Variants in SPRED2 observed in about 807,000 individuals in gnomAD.
SPRED2 encodes the protein sprouty related EVH1 domain containing 2, also known as sprouty-related, EVH1 domain-containing protein 2.
A neutral mutation model predicts 43.0 loss-of-function variants in SPRED2; 47 were observed. The ratio of observed to expected loss-of-function variants is 1.09; its 90% CI spans 0.87 to 1.40. SPRED2 has a LOEUF of 1.40. Among genes scored for constraint, SPRED2 ranks in the 40% most tolerant of loss-of-function variants. SPRED2 has a pLI of 0.00. For missense variants in SPRED2, 561 were observed against 586.4 expected (o/e 0.96, Z 0.45); for synonymous variants, 225 against 225.7 (o/e 1.00, Z 0.03).
chr2:65,354,812 C>T (rs752027496), intron 1 of SPRED2, among the ~76,000 whole-genome samples: 2 of 152,128 alleles, frequency 1.3e-5, no homozygotes, highest in East Asian at 1.9e-4. Context: ...ACATGGGCAA[C>T]GAAGTGTTCG....
chr2:65,410,228 C>T (rs1286877893), intron 1 of SPRED2, among the ~76,000 whole-genome samples: 1 of 151,918 alleles, frequency 6.6e-6, no homozygotes, highest in African/African-American at 2.4e-5. Context: ...TGCAGTGAGA[C>T]CTTGTCTCTT....
chr2:65,394,760 C>T (rs1039678293), intron 1 of SPRED2, among the ~76,000 whole-genome samples: 1 of 152,108 alleles, frequency 6.6e-6, no homozygotes, highest in Non-Finnish European at 1.5e-5. Context: ...AGTCCGCTTC[C>T]GATCACAGTG....
Position 65,408,098 on chromosome 2 carries a change from T to C in SPRED2, c.26+23864A>G, listed in dbSNP as rs140035305. ...TTGAGCTTCTCTCCTTGCCTGCTGG[T>C]TCCATCTTCTTAAGATCTTATCAGA... On this transcript the variant is annotated intron_variant, in intron 1 of 5. Transcript: ENST00000356388. Among the ~76,000 whole-genome samples the C allele has an allele frequency of 4.6e-3, 705 of 152,318 alleles. 6 individuals are homozygous for C. The highest frequency in any genetic ancestry group is 0.016 in the African/African-American group (656 of 41,570).
chr2:65,341,403 A>G (rs985923562), intron 2 of SPRED2, among the ~76,000 whole-genome samples: 1 of 152,152 alleles, frequency 6.6e-6, no homozygotes, highest in African/African-American at 2.4e-5. Flanking sequence ...GGATAGTGCA[A>G]TCTGTGTACA....
At chr2:65,394,671 T>C (rs2103697857) in intron 1 of SPRED2, among the ~76,000 whole-genome samples, 1 of 152,250 alleles carries the variant, frequency 6.6e-6, no homozygotes, top group Non-Finnish European at 1.5e-5. Flanking sequence ...CCAGGCCTCC[T>C]TGCTTTTCTG....
At chr2:65,387,131 T>C (rs1675520303) in intron 1 of SPRED2, among the ~76,000 whole-genome samples, 1 of 152,234 alleles carries the variant, frequency 6.6e-6, no homozygotes, top group Non-Finnish European at 1.5e-5. Context: ...TAAGGCACTG[T>C]CTAAATGCCT....
intron 1 of SPRED2, among the ~76,000 whole-genome samples, chr2:65,403,414 C>T (rs956444581): frequency 3.3e-5 from 5 of 152,170 alleles, no homozygotes; most frequent in African/African-American, 1.2e-4. Flanking sequence ...GCTGGGACTA[C>T]AGGCGTGTGC....
chr2:65,307,608 A>G (rs147063992), downstream of SPRED2, among the ~76,000 whole-genome samples: 179 of 151,618 alleles, frequency 1.2e-3, no homozygotes, highest in African/African-American at 4.2e-3. Context: ...TGATTATCAC[A>G]TAATAACTGT....
At chr2:65,360,349 C>A (rs1176191590) in intron 1 of SPRED2, among the ~76,000 whole-genome samples, 1 of 152,216 alleles carries the variant, frequency 6.6e-6, no homozygotes, top group East Asian at 1.9e-4. Flanking sequence ...GATATGCCAT[C>A]CCCTGAAAAC....
intron 1 of SPRED2, among the ~76,000 whole-genome samples, chr2:65,372,127 G>C (rs559113922): frequency 2.6e-5 from 4 of 152,164 alleles, no homozygotes; most frequent in Non-Finnish European, 2.9e-5. Context: ...TTCAGAGCTA[G>C]GACTGTGGTT....
chr2:65,368,119 G>T (rs753173657), intron 1 of SPRED2, among the ~76,000 whole-genome samples: 1 of 152,206 alleles, frequency 6.6e-6, no homozygotes, highest in Non-Finnish European at 1.5e-5. Flanking sequence ...CAGAGCTCCT[G>T]CATGGCCCCC....
At chr2:65,359,526 C>T (rs963672065) in intron 1 of SPRED2, among the ~76,000 whole-genome samples, 1 of 152,090 alleles carries the variant, frequency 6.6e-6, no homozygotes, top group Non-Finnish European at 1.5e-5. Flanking sequence ...TCACAGATAA[C>T]TGAAACCCTG....
chr2:65,428,827 C>T (rs985195230), intron 1 of SPRED2, among the ~76,000 whole-genome samples: 14 of 152,120 alleles, frequency 9.2e-5, no homozygotes, highest in African/African-American at 3.4e-4. Context: ...CCATTCATAG[C>T]CATGATCAAA....
chr2:65,311,578 G>A lies in SPRED2; in HGVS notation c.*1923C>T, dbSNP rs1673069199. 1.0e-6 allele frequency: 1 copy of A among 985,750 alleles called. No homozygotes were observed. The highest frequency in any genetic ancestry group is 1.2e-6 in the Non-Finnish European group (1 of 829,954). 61.1% of individuals were successfully genotyped at this position (985,750 alleles called of 1,614,324 possible). On this transcript the variant is annotated 3_prime_UTR_variant, in exon 6 of 6. Transcript: ENST00000356388. ...GGAAGTGCCTCCGGGTCGGGGGAAG[G>A]TGGTCTCTCGACAGCACTGGAGGCT...
chr2:65,313,740 C>A lies in SPRED2; in HGVS notation c.1018G>T (p.Val340Leu), dbSNP rs975800108. 4 of 1,614,230 alleles carry A rather than the reference C, an allele frequency of 2.5e-6. No homozygotes were observed. The highest frequency in any genetic ancestry group is 1.7e-6 in the Non-Finnish European group (2 of 1,180,034). ...PDSVRTCIRR[V>L]SCMWCADSML... ...CTGTCCGCGCACCACATGCAGCTCA[C>A]CCGGCGGATGCAAGTTCTCACGGAG... The change falls in exon 6 of 6, where the codon GTG becomes TTG. Residue 340 changes from valine (V) to leucine (L), a missense_variant. Around this residue, in one of 6 missense-constraint regions of SPRED2, gnomAD observed 164 missense variants for 164.1 expected, o/e 1.00. Transcript: ENST00000356388.
intron 2 of SPRED2, among the ~76,000 whole-genome samples, chr2:65,337,435 ATGT>A (rs2104229199): frequency 6.6e-6 from 1 of 152,180 alleles, no homozygotes; most frequent in South Asian, 2.1e-4. Flanking sequence ...CAAGAAATAC[ATGT>A]TGTGGGAGAT....
chr2:65,335,580 T>C (rs1673940704), intron 2 of SPRED2, among the ~76,000 whole-genome samples: 1 of 152,226 alleles, frequency 6.6e-6, no homozygotes. Flanking sequence ...GTCCAGTATA[T>C]CTTCCCTGTC....
intron 1 of SPRED2, among the ~76,000 whole-genome samples, chr2:65,367,505 AATTTATACCTAAACAAGG>A (rs1399483858): frequency 6.6e-6 from 1 of 152,160 alleles, no homozygotes; most frequent in East Asian, 1.9e-4. Context: ...CCTGCAATCT[AATTTATACCTAAACAAGG>A]CACTTTTCTA....
chr2:65,370,364 T>G (rs1182817944), intron 1 of SPRED2, among the ~76,000 whole-genome samples: 1 of 152,150 alleles, frequency 6.6e-6, no homozygotes, highest in Non-Finnish European at 1.5e-5. Context: ...GAATTTAGAC[T>G]CTCTCAGAGG....
Sources: allele counts gnomAD v4.1 joint callset (sites outside exome capture counted in the v4.1 genomes callset), GRCh38; gene constraint gnomAD v4.1.1; regional missense constraint gnomAD v4.1.1; transcripts MANE v1.5; gene names NCBI Gene and HGNC (gene_info 2026-07-23, HGNC 2026-07-21).